Variants in BTBD9 observed in about 807,000 individuals in gnomAD.
The protein encoded by BTBD9 is BTB domain containing 9, also known as BTB/POZ domain-containing protein 9.
Under a neutral mutation model 64.3 loss-of-function variants are expected in BTBD9, and 49 were observed. The ratio of observed to expected loss-of-function variants is 0.76; its 90% CI spans 0.61 to 0.97. BTBD9 has a LOEUF of 0.97. Ranked by LOEUF, BTBD9 falls within the 50% of genes least tolerant of loss-of-function variation. BTBD9 has a pLI of 0.00. For missense variants in BTBD9, 598 were observed against 762.1 expected, an observed-to-expected ratio of 0.78 and a Z score of 2.53; for synonymous variants, 260 against 274.7, an observed-to-expected ratio of 0.95 and a Z score of 0.53.
rs186724210 is a variant in BTBD9 at position 38,598,346 on chromosome 6, C to T, written c.-27-225G>A. On this transcript the variant is annotated intron_variant, in intron 1 of 10. Coordinates refer to ENST00000481247, the MANE Select transcript of BTBD9 (RefSeq NM_001099272.2). Reference sequence around the variant, plus strand: ...CACTAGCAAAGCAAAAATGCCAGATCTCCAAACACTAACAGCACTTGGAGC... The same window carrying T: ...CACTAGCAAAGCAAAAATGCCAGATTTCCAAACACTAACAGCACTTGGAGC... Among the ~76,000 whole-genome samples the T allele has an allele frequency of 3.9e-4, 59 of 152,300 alleles. 1 individual carries two copies. The highest frequency in any genetic ancestry group is 1.3e-3 in the African/African-American group (53 of 41,576).
At chr6:38,262,981 C>T (rs543440808) in intron 8 of BTBD9, among the ~76,000 whole-genome samples, 2 of 152,310 alleles carry the variant, frequency 1.3e-5, no homozygotes, top group African/African-American at 4.8e-5. Flanking sequence ...GTGGGAAATT[C>T]CACTGGAAGG....
chr6:38,557,840 C>T (rs1342807530), intron 6 of BTBD9, among the ~76,000 whole-genome samples: 2 of 152,196 alleles, frequency 1.3e-5, no homozygotes, highest in African/African-American at 4.8e-5. Flanking sequence ...CAATGTATAA[C>T]ACAACCAACT....
intron 9 of BTBD9, among the ~76,000 whole-genome samples, chr6:38,221,274 T>C (rs1178650026): frequency 6.6e-6 from 1 of 152,138 alleles, no homozygotes; most frequent in African/African-American, 2.4e-5. Flanking sequence ...TAACATCTAA[T>C]TGATATGTCA....
chr6:38,472,370 C>A (rs1039147867), intron 6 of BTBD9, among the ~76,000 whole-genome samples: 9 of 152,036 alleles, frequency 5.9e-5, no homozygotes, highest in Admixed American at 1.3e-4. Context: ...TAAAACCCAG[C>A]ATGAAACAAT....
Position 38,554,981 on chromosome 6 carries a change from T to C in BTBD9, c.1154+22619A>G, listed in dbSNP as rs80063393. 7.8e-3 allele frequency among the ~76,000 whole-genome samples: 1,190 copies of C among 152,312 alleles called. 17 individuals carry two copies. The highest frequency in any genetic ancestry group is 0.027 in the African/African-American group (1,117 of 41,558). On this transcript the variant is annotated intron_variant, in intron 6 of 10. Coordinates refer to ENST00000481247, the MANE Select transcript of BTBD9 (RefSeq NM_001099272.2). ...TAGAGTGTGAGTAACATCAAAGCTA[T>C]GGGTGATGCTACTAAAGAGAAACAA... is the stretch of plus-strand genomic sequence containing the variant.
At chr6:38,396,883 CT>C (rs975205929) in intron 6 of BTBD9, among the ~76,000 whole-genome samples, 106 of 136,730 alleles carry the variant, frequency 7.8e-4, no homozygotes, top group African/African-American at 2.7e-3. Context: ...TCACTTGATT[CT>C]TTTTTTCTTT....
In BTBD9 at chr6:38,184,187, GA is replaced by G. The variant is rs1326051991; in HGVS notation, c.1641+8331del. 2.6e-5 allele frequency among the ~76,000 whole-genome samples: 4 copies of G among 152,166 alleles called. No individual in the cohort carries two copies. Among genetic ancestry groups the G allele is most frequent in the Non-Finnish European group, 4.4e-5 (3 of 68,036 alleles). ...CGTGGTATCCCGTTGGGTTCAGGAT[GA>G]ACAAGGCTGCGGTGACAGCATCCTC... is the stretch of plus-strand genomic sequence containing the variant. On this transcript the variant is annotated intron_variant, in intron 10 of 10. Coordinates refer to ENST00000481247, the MANE Select transcript of BTBD9 (RefSeq NM_001099272.2). The surrounding 1 kb of genome is among the most constrained non-coding windows in gnomAD (Gnocchi z 4.4).
At chr6:38,498,457 TAAAAAAA>T (rs11393821) in intron 6 of BTBD9, among the ~76,000 whole-genome samples, 1 of 132,662 alleles carries the variant, frequency 7.5e-6, no homozygotes, top group African/African-American at 2.8e-5. Flanking sequence ...TATCTAGTAC[TAAAAAAA>T]AAAAAAAAAA....
At chr6:38,576,143 G>A (rs1057279668) in intron 6 of BTBD9, among the ~76,000 whole-genome samples, 6 of 152,056 alleles carry the variant, frequency 3.9e-5, no homozygotes, top group Admixed American at 6.6e-5. Flanking sequence ...CATATCAGAC[G>A]CTTTGTTATG....
chr6:38,601,309 A>G (rs1017084303), intron 1 of BTBD9, among the ~76,000 whole-genome samples: 1 of 152,254 alleles, frequency 6.6e-6, no homozygotes, highest in Non-Finnish European at 1.5e-5. Flanking sequence ...AAAAGATACT[A>G]ACAAAGTTAC....
intron 6 of BTBD9, among the ~76,000 whole-genome samples, chr6:38,539,970 T>C (rs1025057096): frequency 1.3e-5 from 2 of 152,196 alleles, no homozygotes; most frequent in African/African-American, 4.8e-5. Context: ...ATCTTAAAGG[T>C]TTCTCAGAGG....
At chr6:38,199,182 G>C (rs1032572322) in intron 9 of BTBD9, among the ~76,000 whole-genome samples, 1 of 152,190 alleles carries the variant, frequency 6.6e-6, no homozygotes, top group African/African-American at 2.4e-5. Context: ...AGGCACAGCA[G>C]AGGGTAGAAT....
intron 1 of BTBD9, among the ~76,000 whole-genome samples, chr6:38,603,545 C>T (rs758811561): frequency 6.6e-6 from 1 of 152,230 alleles, no homozygotes; most frequent in Non-Finnish European, 1.5e-5. Context: ...ACATCAATTT[C>T]TTTACTTAAA....
intron 6 of BTBD9, among the ~76,000 whole-genome samples, chr6:38,460,208 A>T (rs1013936600): frequency 5.9e-5 from 9 of 152,234 alleles, no homozygotes; most frequent in Non-Finnish European, 1.2e-4. Context: ...TGTAAACATC[A>T]CATTTCTGTA....
chr6:38,522,490 T>C (rs1779948508), intron 6 of BTBD9, among the ~76,000 whole-genome samples: 1 of 152,228 alleles, frequency 6.6e-6, no homozygotes. Context: ...ATGTGCTCTG[T>C]TTGCAAATGC....
intron 8 of BTBD9, among the ~76,000 whole-genome samples, chr6:38,263,597 T>C (rs374516465): frequency 6.6e-6 from 1 of 152,264 alleles, no homozygotes; most frequent in Admixed American, 6.5e-5. Flanking sequence ...AATGAGATGA[T>C]GAAAATACAG....
intron 6 of BTBD9, among the ~76,000 whole-genome samples, chr6:38,458,754 T>C (rs1442671105): frequency 6.6e-6 from 1 of 152,148 alleles, no homozygotes; most frequent in Non-Finnish European, 1.5e-5. Flanking sequence ...TCTGGATTAT[T>C]TGAAAAATGG....
chr6:38,329,127 G>A (rs1763574037), intron 7 of BTBD9, among the ~76,000 whole-genome samples: 1 of 151,564 alleles, frequency 6.6e-6, no homozygotes, highest in Non-Finnish European at 1.5e-5. Flanking sequence ...CAGAAATTTT[G>A]ATGTGTGAGT....
intron 1 of BTBD9, among the ~76,000 whole-genome samples, chr6:38,616,030 A>G (rs959282581): frequency 1.3e-5 from 2 of 152,168 alleles, no homozygotes; most frequent in Non-Finnish European, 1.5e-5. Flanking sequence ...GTAACTTTAT[A>G]TAAGAGTCTT....
Sources: gnomAD v4.1 joint callset for allele counts (sites outside exome capture counted in the v4.1 genomes callset) on GRCh38, gnomAD v4.1.1 for gene constraint, Gnocchi (gnomAD v3.1) non-coding constraint, MANE v1.5 for transcripts, NCBI Gene and HGNC (gene_info 2026-07-23, HGNC 2026-07-21) for gene names.